The following TIMM23B variants were observed in gnomAD, a reference collection of about 807,000 sequenced individuals.
TIMM23B encodes translocase of inner mitochondrial membrane 23 homolog B.
Under a neutral mutation model 27.3 loss-of-function variants are expected in TIMM23B, and 27 were observed. The observed-to-expected ratio is 0.99, with a 90% CI of 0.73 to 1.36. TIMM23B has a LOEUF of 1.36. Ranked by LOEUF, TIMM23B falls within the 40% of genes most tolerant of loss-of-function variation. The pLI is 0.00. For synonymous variants in TIMM23B, 73 were observed against 92.4 expected, an observed-to-expected ratio of 0.79 and a Z score of 1.21; for missense variants, 205 against 244.2, an observed-to-expected ratio of 0.84 and a Z score of 1.07.
chr10:49,956,681 G>GT (rs1296282923), intron 5 of TIMM23B, among the ~76,000 whole-genome samples: 1 of 145,740 alleles, frequency 6.9e-6, no homozygotes, highest in African/African-American at 2.5e-5. Context: ...GATTCTTCTG[G>GT]TTTTTAAGTG....
chr10:49,971,680 C>T (rs1218751581), intron 6 of TIMM23B, among the ~76,000 whole-genome samples: 2 of 152,142 alleles, frequency 1.3e-5, no homozygotes, highest in African/African-American at 2.4e-5. Context: ...AGCTTCTCCC[C>T]GTTGAGCCCA....
chr10:49,969,713 A>G (rs1172154270), intron 6 of TIMM23B, among the ~76,000 whole-genome samples: 7 of 152,110 alleles, frequency 4.6e-5, no homozygotes, highest in African/African-American at 1.4e-4. Flanking sequence ...ATATACATAG[A>G]ATATTATTCT....
intron 6 of TIMM23B, among the ~76,000 whole-genome samples, chr10:49,960,277 C>T (rs1839855973): frequency 6.7e-6 from 1 of 150,202 alleles, no homozygotes; most frequent in South Asian, 2.1e-4. Context: ...TCTTGAACTC[C>T]TGGGCTCAAG....
intron 5 of TIMM23B, among the ~76,000 whole-genome samples, chr10:49,955,451 T>C (rs1308838785): frequency 6.6e-6 from 1 of 152,254 alleles, no homozygotes; most frequent in Admixed American, 6.5e-5. Flanking sequence ...TGCTATGTTT[T>C]CTTAATAGCG....
chr10:49,954,973 A>G lies in TIMM23B; in HGVS notation c.345-29A>G, dbSNP rs1839666333. 18 of 1,611,432 alleles carry G rather than the reference A, an allele frequency of 1.1e-5. 1 individual carries two copies. The South Asian group carries it at 2.0e-4, about 18-fold the overall frequency. ...TACTAGAGAAATAATGATTCTAAAT[A>G]CAGATTCTTTCTCTTTCTGCCCTGA... On this transcript the variant is annotated intron_variant, in intron 4 of 6. Coordinates refer to ENST00000651259, the MANE Select transcript of TIMM23B (RefSeq NM_001290117.2).
intron 2 of TIMM23B, among the ~76,000 whole-genome samples, chr10:49,947,444 C>T (rs1839389158): frequency 1.3e-5 from 2 of 151,400 alleles, no homozygotes; most frequent in South Asian, 4.2e-4. Flanking sequence ...CCCATCTCTA[C>T]TAAAAAATAC....
At chr10:49,952,246 G>A in intron 3 of TIMM23B, 27 bp downstream of exon 3, 1 of 1,587,424 alleles carries the variant, frequency 6.3e-7, no homozygotes, top group Non-Finnish European at 8.7e-7. Context: ...TTTTTCTCAA[G>A]AGTGCTCAGT....
chr10:49,948,551 T>C (rs1177024513), intron 2 of TIMM23B, among the ~76,000 whole-genome samples: 2 of 152,192 alleles, frequency 1.3e-5, no homozygotes, highest in Non-Finnish European at 2.9e-5. Flanking sequence ...AAAGAACTAT[T>C]AAATTATGCT....
chr10:49,946,105 G>A (rs1477352452), intron 2 of TIMM23B, among the ~76,000 whole-genome samples: 1 of 151,700 alleles, frequency 6.6e-6, no homozygotes, highest in South Asian at 2.1e-4. Flanking sequence ...CACGAGAATC[G>A]CTTGAACCCT....
intron 6 of TIMM23B, among the ~76,000 whole-genome samples, chr10:49,970,673 G>A (rs1261674462): frequency 1.3e-5 from 2 of 149,708 alleles, no homozygotes; most frequent in Admixed American, 6.6e-5. Flanking sequence ...GTGGGGGGCA[G>A]CCCCTGCCCC....
intron 6 of TIMM23B, among the ~76,000 whole-genome samples, chr10:49,970,890 G>T (rs1406186749): frequency 6.6e-6 from 1 of 152,240 alleles, no homozygotes; most frequent in African/African-American, 2.4e-5. Flanking sequence ...AATAGAAAAG[G>T]GGGAAATGTG....
At chr10:49,965,261 T>C (rs1247141928) in intron 6 of TIMM23B, among the ~76,000 whole-genome samples, 2 of 150,046 alleles carry the variant, frequency 1.3e-5, no homozygotes, top group African/African-American at 2.5e-5. Context: ...ATAATGAAAT[T>C]AATAATGAAA....
intron 6 of TIMM23B, among the ~76,000 whole-genome samples, chr10:49,966,548 G>C (rs1840169288): frequency 6.6e-6 from 1 of 152,052 alleles, no homozygotes; most frequent in Non-Finnish European, 1.5e-5. Context: ...ATGAAATGCT[G>C]GGTGTGGTGG....
Position 49,942,213 on chromosome 10 carries a change from A to C in TIMM23B, c.19A>C (p.Ser7Arg). Residue 7 changes from serine (S) to arginine (R), a missense_variant, in exon 1 of 7, where the codon AGC becomes CGC. Ser to Arg is a moderately radical substitution (Grantham distance 110). Transcript: ENST00000651259. ...CGATACCATGGAAGGAGGCGGGGGA[A>C]GCGGCGACAAAACCACAGGGGTATT... MEGGGG[S>R]GDKTTGVLAG... 6.2e-7 allele frequency: 1 copy of C among 1,609,460 alleles called. No homozygotes were observed.
intron 6 of TIMM23B, 98 bp from the exon 7 acceptor site, chr10:49,972,914 A>C (rs1589058514): frequency 1.3e-6 from 1 of 752,590 alleles, no homozygotes; most frequent in Non-Finnish European, 2.2e-6. Context: ...AAAGCCTGGC[A>C]GATTAAATGC....
chr10:49,949,464 G>A, intron 2 of TIMM23B, among the ~76,000 whole-genome samples: 1 of 151,708 alleles, frequency 6.6e-6, no homozygotes, highest in Non-Finnish European at 1.5e-5. Flanking sequence ...AAAACTAGTT[G>A]CATGTATTTT....
At position 49,958,572 on chromosome 10, in the gene TIMM23B, A is replaced by G. The variant is rs1334289808; in HGVS notation, c.514+92A>G. 104 of 868,558 alleles carry G rather than the reference A, an allele frequency of 1.2e-4. No individual in the cohort carries two copies. In the Admixed American group the frequency reaches 2.0e-3, roughly 16 times the overall value. The allele number at this position is 868,558 out of a possible 1,614,324, so 53.8% of individuals were successfully genotyped here. A position where few individuals can be genotyped will look rare whatever the true frequency, so the allele number is the denominator to read the frequency against. On this transcript the variant is annotated intron_variant, in intron 6 of 6. Coordinates refer to ENST00000651259, the MANE Select transcript of TIMM23B (RefSeq NM_001290117.2). ...TTTCAAGGAAATTACACTCTGTTGC[A>G]GTATAATCTAGTGTTCTAACTTTAT...
intron 6 of TIMM23B, among the ~76,000 whole-genome samples, chr10:49,960,120 T>C (rs1839849012): frequency 6.7e-6 from 1 of 148,344 alleles, no homozygotes; most frequent in South Asian, 2.2e-4. Flanking sequence ...CAATCAAGGC[T>C]CACTGTAGCC....
chr10:49,963,954 G>A (rs1840016035), intron 6 of TIMM23B, among the ~76,000 whole-genome samples: 1 of 152,136 alleles, frequency 6.6e-6, no homozygotes, highest in South Asian at 2.1e-4. Context: ...GTTAGAACAA[G>A]CCTCTGGCTC....
Sources: allele counts gnomAD v4.1 joint callset (sites outside exome capture counted in the v4.1 genomes callset), GRCh38; gene constraint gnomAD v4.1.1; transcripts MANE v1.5; gene names NCBI Gene and HGNC (gene_info 2026-07-23, HGNC 2026-07-21).